TMEM132D: variants seen among roughly 807,000 people sequenced by gnomAD.
TMEM132D encodes transmembrane protein 132D.
A neutral mutation model predicts 62.3 loss-of-function variants in TMEM132D; 21 were observed. The ratio of observed to expected loss-of-function variants is 0.34; its 90% CI spans 0.24 to 0.49. The LOEUF is 0.49. Among genes scored for constraint, TMEM132D ranks in the 20% least tolerant of loss-of-function variants. The pLI is 0.99. For synonymous variants in TMEM132D, 621 were observed against 575.6 expected, an observed-to-expected ratio of 1.08 and a Z score of -1.13; for missense variants, 1,346 against 1,402.8, an observed-to-expected ratio of 0.96 and a Z score of 0.65.
intron 3 of TMEM132D, among the ~76,000 whole-genome samples, chr12:129,486,231 A>G (rs2137056726): frequency 6.6e-6 from 1 of 152,308 alleles, no homozygotes; most frequent in Middle Eastern, 3.4e-3. Context: ...CCCTTGCTAC[A>G]TCACACACCT....
Position 129,643,323 on chromosome 12 carries a change from A to G in TMEM132D, c.968+56487T>C, listed in dbSNP as rs1184561153. Among the ~76,000 whole-genome samples the G allele has an allele frequency of 4.6e-5, 7 of 152,134 alleles. No individual in the cohort carries two copies. The East Asian group carries it at 1.3e-3, about 29-fold the overall frequency. ...AAATCATGTGACACACCACTAGCGC[A>G]GTGTTTGGCAAACTACAGCCCACTC... On this transcript the variant is annotated intron_variant, in intron 2 of 8. Coordinates refer to ENST00000422113, the MANE Select transcript of TMEM132D (RefSeq NM_133448.3).
chr12:129,337,472 CAT>C (rs1491263084), intron 4 of TMEM132D, among the ~76,000 whole-genome samples, 160 bp downstream of exon 4: 38 of 146,714 alleles, frequency 2.6e-4, no homozygotes, highest in South Asian at 1.5e-3. Context: ...CACACACACA[CAT>C]AACGATTGGC....
intron 1 of TMEM132D, among the ~76,000 whole-genome samples, chr12:129,743,180 T>C (rs1010779236): frequency 1.3e-5 from 2 of 152,244 alleles, no homozygotes; most frequent in African/African-American, 4.8e-5. Flanking sequence ...TCTGTAGTAC[T>C]GGAAAATTCC....
intron 3 of TMEM132D, among the ~76,000 whole-genome samples, chr12:129,396,747 C>A (rs1426090489): frequency 1.3e-5 from 2 of 152,178 alleles, no homozygotes; most frequent in Non-Finnish European, 2.9e-5. Flanking sequence ...ACTCAACACT[C>A]CACATAAAGG....
rs562894639 is a variant in TMEM132D at position 129,141,354 on chromosome 12, G to C, written c.1444-56652C>G. 2.0e-5 allele frequency among the ~76,000 whole-genome samples: 3 copies of C among 152,300 alleles called. No individual in the cohort carries two copies. The East Asian group carries it at 5.8e-4, about 29-fold the overall frequency. On this transcript the variant is annotated intron_variant, in intron 5 of 8. Transcript: ENST00000422113. ...TGTGTCTAATGCTGTGGCTGTCCAT[G>C]TGTTTGTGATCACATGGAGATTATA...
At chr12:129,680,288 G>A (rs1481973611) in intron 2 of TMEM132D, among the ~76,000 whole-genome samples, 1 of 152,036 alleles carries the variant, frequency 6.6e-6, no homozygotes, top group East Asian at 1.9e-4. Context: ...ATACATCCTT[G>A]GATGATCTCT....
intron 1 of TMEM132D, among the ~76,000 whole-genome samples, chr12:129,766,529 G>T (rs564280545): frequency 6.6e-6 from 1 of 152,250 alleles, no homozygotes; most frequent in Non-Finnish European, 1.5e-5. Flanking sequence ...TAAAGAAGCA[G>T]AAGTTATAAA....
At chr12:129,564,934 G>A (rs1193480639) in intron 2 of TMEM132D, among the ~76,000 whole-genome samples, 1 of 152,176 alleles carries the variant, frequency 6.6e-6, no homozygotes, top group Non-Finnish European at 1.5e-5. Context: ...GAAAAGTGGG[G>A]AGCCCCTGAG....
At chr12:129,760,942 G>A (rs1356801644) in intron 1 of TMEM132D, among the ~76,000 whole-genome samples, 1 of 151,984 alleles carries the variant, frequency 6.6e-6, no homozygotes, top group African/African-American at 2.4e-5. Flanking sequence ...TTAGTTTGCT[G>A]AGAATGATGG....
At chr12:129,446,262 A>G (rs1377657841) in intron 3 of TMEM132D, among the ~76,000 whole-genome samples, 1 of 152,100 alleles carries the variant, frequency 6.6e-6, no homozygotes, top group Non-Finnish European at 1.5e-5. Flanking sequence ...ACTGTTAGAG[A>G]GGATGTGGTG....
intron 4 of TMEM132D, among the ~76,000 whole-genome samples, chr12:129,300,445 C>T (rs1018711516): frequency 6.6e-6 from 1 of 152,196 alleles, no homozygotes; most frequent in Admixed American, 6.5e-5. Flanking sequence ...GGAGTCCACA[C>T]ACGTGCAATG....
intron 7 of TMEM132D, among the ~76,000 whole-genome samples, chr12:129,079,826 A>G (rs1281540124): frequency 6.6e-6 from 1 of 152,170 alleles, no homozygotes; most frequent in Non-Finnish European, 1.5e-5. Context: ...TCAGGAGGAC[A>G]CAGTGAGAAA....
chr12:129,226,445 CCT>C lies in TMEM132D; in HGVS notation c.1300-16784_1300-16783del, dbSNP rs1879483073. ...CAGGAAGGTTCTCATACCATTTGCC[CCT>C]GTCTGCCGCGGCACCAGACCTTGGC... On this transcript the variant is annotated intron_variant, in intron 4 of 8. Coordinates refer to ENST00000422113, the MANE Select transcript of TMEM132D (RefSeq NM_133448.3). Among the ~76,000 whole-genome samples the C allele has an allele frequency of 2.6e-5, 4 of 152,208 alleles. No homozygotes were observed. In the South Asian group the frequency reaches 8.3e-4, roughly 32 times the overall value.
intron 3 of TMEM132D, among the ~76,000 whole-genome samples, chr12:129,359,734 T>G (rs1870184822): frequency 6.6e-6 from 1 of 152,026 alleles, no homozygotes; most frequent in Non-Finnish European, 1.5e-5. Flanking sequence ...TAGGAGACAT[T>G]ATGAGGTAGT....
intron 3 of TMEM132D, among the ~76,000 whole-genome samples, chr12:129,429,753 GGCCCC>G (rs1872601733): frequency 9.5e-6 from 1 of 104,722 alleles, no homozygotes; most frequent in African/African-American, 3.9e-5. Flanking sequence ...CCCCACAACA[GGCCCC>G]GGTGTGTGAT....
chr12:129,558,064 T>C (rs1877111362), intron 2 of TMEM132D, among the ~76,000 whole-genome samples: 1 of 152,190 alleles, frequency 6.6e-6, no homozygotes, highest in Non-Finnish European at 1.5e-5. Context: ...GGGTGGTGTA[T>C]ATGCTGAAGT....
intron 1 of TMEM132D, among the ~76,000 whole-genome samples, chr12:129,901,872 C>A (rs998444116): frequency 2.2e-5 from 3 of 133,762 alleles, no homozygotes; most frequent in South Asian, 2.2e-4. Context: ...CCCCCCCCGC[C>A]CCAAAAAAAA....
chr12:129,480,979 T>A (rs1297777087), intron 3 of TMEM132D, among the ~76,000 whole-genome samples: 1 of 151,976 alleles, frequency 6.6e-6, no homozygotes, highest in Non-Finnish European at 1.5e-5. Context: ...ACATGGCGGA[T>A]GAACACTATG....
intron 2 of TMEM132D, among the ~76,000 whole-genome samples, chr12:129,590,844 C>T (rs1414021684): frequency 6.6e-6 from 1 of 152,150 alleles, no homozygotes; most frequent in African/African-American, 2.4e-5. Context: ...AGACCTCACC[C>T]CCTTGTCATG....
Sources: allele counts gnomAD v4.1 joint callset (sites outside exome capture counted in the v4.1 genomes callset), GRCh38; gene constraint gnomAD v4.1.1; transcripts MANE v1.5; gene names NCBI Gene and HGNC (gene_info 2026-07-23, HGNC 2026-07-21).